The following AGBL2 variants were observed in gnomAD, a reference collection of about 807,000 sequenced individuals.
AGBL2 encodes cytosolic carboxypeptidase 2.
AGBL2 carries 87 observed loss-of-function variants against 103.0 expected under a neutral mutation model. That is an observed-to-expected ratio of 0.84 (90% CI 0.71 to 1.01). The LOEUF is 1.01. Among genes scored for constraint, AGBL2 ranks in the 50% least tolerant of loss-of-function variants. AGBL2 has a pLI of 0.00. For missense variants in AGBL2, 904 were observed against 1,023.5 expected (o/e 0.88, Z 1.59); for synonymous variants, 335 against 356.7 (o/e 0.94, Z 0.69).
intron 4 of AGBL2, among the ~76,000 whole-genome samples, chr11:47,709,933 A>G (rs1565098383): frequency 6.6e-6 from 1 of 151,582 alleles, no homozygotes; most frequent in Non-Finnish European, 1.5e-5. Flanking sequence ...TTTGTCACCC[A>G]GGCTGGAGTA....
At position 47,711,323 on chromosome 11, in the gene AGBL2, G is replaced by C. The variant is rs114841847; in HGVS notation, c.98-812C>G. Among the ~76,000 whole-genome samples, 632 of 152,154 alleles carry C rather than the reference G, an allele frequency of 4.2e-3. 1 individual carries two copies. Among genetic ancestry groups the C allele is most frequent in the African/African-American group, 0.015 (617 of 41,520 alleles). ...TAAAAATTGTCACGACACCCAGATA[G>C]ACTTTTCATCAATTCTGAGGGCAAC... On this transcript the variant is annotated intron_variant, in intron 3 of 18. Transcript: ENST00000525123.
At chr11:47,691,729 A>AAAAAAAAAAAAAAAAATATACATATAT in intron 9 of AGBL2, among the ~76,000 whole-genome samples, 1 of 4,850 alleles carries the variant, frequency 2.1e-4, no homozygotes, top group Non-Finnish European at 3.6e-4. Flanking sequence ...AAAAAAAAAA[A>AAAAAAAAAAAAAAAAATATACATATAT]ATATATATAT....
chr11:47,710,931 A>C (rs1172785355), intron 3 of AGBL2: 1 of 421,362 alleles, frequency 2.4e-6, no homozygotes, highest in East Asian at 7.0e-5. Context: ...AAAAGAAAAA[A>C]AAAATTATGG....
intron 16 of AGBL2, 140 bp downstream of exon 16, chr11:47,667,431 T>C: frequency 8.9e-7 from 1 of 1,118,240 alleles, no homozygotes; most frequent in Non-Finnish European, 1.3e-6. Context: ...GGAAGGGTTC[T>C]GATCGCAAAA....
intron 9 of AGBL2, among the ~76,000 whole-genome samples, chr11:47,691,729 A>AATATATATATATATATATATATATATAT (rs1554960982): frequency 4.1e-4 from 2 of 4,856 alleles, no homozygotes; most frequent in Admixed American, 4.2e-3. Flanking sequence ...AAAAAAAAAA[A>AATATATATATATATATATATATATATAT]ATATATATAT....
intron 14 of AGBL2, among the ~76,000 whole-genome samples, chr11:47,676,003 T>C (rs1287060427): frequency 1.3e-5 from 2 of 151,736 alleles, no homozygotes; most frequent in African/African-American, 4.8e-5. Context: ...ACACCCTGTC[T>C]CAAGAAAAAA....
rs1220594150 is a variant in AGBL2, at chr11:47,714,170, T to C, written c.97+114A>G. On this transcript the variant is annotated intron_variant, in intron 3 of 18. Coordinates refer to ENST00000525123, the MANE Select transcript of AGBL2 (RefSeq NM_024783.4). ...CACTAATGGTAGAGGAAAAAGTATTTATTTGTCAATGCAAATTATTTATTA... is the reference window on the plus strand; with the variant it reads ...CACTAATGGTAGAGGAAAAAGTATTCATTTGTCAATGCAAATTATTTATTA... 124 of 764,416 alleles carry C rather than the reference T, an allele frequency of 1.6e-4. 1 individual carries two copies. Among genetic ancestry groups the C allele is most frequent in the South Asian group, 1.1e-3 (66 of 61,436 alleles). The allele number at this position is 764,416 out of a possible 1,614,324, so 47.4% of individuals were successfully genotyped here. A position where few individuals can be genotyped will look rare whatever the true frequency, so the allele number is the denominator to read the frequency against.
chr11:47,660,251 C>T lies in AGBL2; in HGVS notation c.2631G>A (p.Arg877=), dbSNP rs1448495105. The change falls in exon 19 of 19, where the codon AGG becomes AGA. Residue 877 remains arginine (R), a synonymous_variant. Coordinates refer to ENST00000525123, the MANE Select transcript of AGBL2 (RefSeq NM_024783.4). The part of the protein sequence containing the change: ...PAPGMKPNWP[R]SRYPATKRGC... The stretch of plus-strand genomic sequence containing the variant: ...CTCTCTTTGTGGCAGGATATCTGCT[C>T]CTAGGCCAGTTTGGCTTCATACCTG... The T allele has an allele frequency of 6.2e-7, 1 of 1,614,218 alleles. No homozygotes were observed. The highest frequency in any genetic ancestry group is 8.5e-7 in the Non-Finnish European group (1 of 1,180,034).
intron 3 of AGBL2, among the ~76,000 whole-genome samples, chr11:47,711,540 G>A (rs1053899250): frequency 3.3e-5 from 5 of 152,100 alleles, no homozygotes; most frequent in Non-Finnish European, 7.3e-5. Context: ...CTCCCTGAAT[G>A]TCTCTCTCCC....
At chr11:47,708,818 A>C (rs1399608150) in intron 4 of AGBL2, among the ~76,000 whole-genome samples, 2 of 151,666 alleles carry the variant, frequency 1.3e-5, no homozygotes, top group Non-Finnish European at 2.9e-5. Flanking sequence ...GTCTCAAAAA[A>C]AAAAAAAAAA....
chr11:47,705,784 G>A, intron 5 of AGBL2, 80 bp downstream of exon 5: 1 of 1,250,228 alleles, frequency 8.0e-7, no homozygotes. Context: ...TAATTCTTAG[G>A]TCTGGTGGGA....
At chr11:47,711,935 T>C (rs1312152569) in intron 3 of AGBL2, among the ~76,000 whole-genome samples, 1 of 152,152 alleles carries the variant, frequency 6.6e-6, no homozygotes, top group Non-Finnish European at 1.5e-5. Context: ...TTAAATTAGC[T>C]GGGTGTGCTG....
intron 4 of AGBL2, among the ~76,000 whole-genome samples, chr11:47,706,591 G>C (rs2097520677): frequency 6.6e-6 from 1 of 152,094 alleles, no homozygotes; most frequent in African/African-American, 2.4e-5. Context: ...TGGGGTAAAG[G>C]CAGGAGAGGT....
At chr11:47,693,608 T>G (rs1358762721) in intron 8 of AGBL2, among the ~76,000 whole-genome samples, 2 of 152,214 alleles carry the variant, frequency 1.3e-5, no homozygotes, top group Middle Eastern at 6.3e-3. Flanking sequence ...GATTATACTG[T>G]TTTGATTACT....
intron 14 of AGBL2, 74 bp from the exon 15 acceptor site, chr11:47,668,981 C>T: frequency 9.9e-7 from 1 of 1,005,068 alleles, no homozygotes; most frequent in East Asian, 2.4e-5. Context: ...TTTACCAGAC[C>T]AGCTGTATGG....
intron 17 of AGBL2, chr11:47,666,510 T>G (rs1019657034): frequency 1.1e-4 from 35 of 327,240 alleles, no homozygotes; most frequent in Non-Finnish European, 1.1e-5. Context: ...TGATACAATT[T>G]CCTACTTACT....
chr11:47,702,823 G>A lies in AGBL2; in HGVS notation c.586+1720C>T, dbSNP rs147236611. ...CGGGAGGCGGAGGTTGCAGTGAGCC[G>A]AGATGGAGCCATTGCACTCTAGCCT... On this transcript the variant is annotated intron_variant, in intron 7 of 18. Transcript: ENST00000525123. 9.4e-4 allele frequency among the ~76,000 whole-genome samples: 143 copies of A among 152,050 alleles called. No individual in the cohort carries two copies. In the Middle Eastern group the frequency reaches 0.017, roughly 18 times the overall value.
chr11:47,677,046 C>A (rs1408969320), intron 14 of AGBL2, among the ~76,000 whole-genome samples: 1 of 152,000 alleles, frequency 6.6e-6, no homozygotes, highest in Non-Finnish European at 1.5e-5. Flanking sequence ...CTGAGCCTGT[C>A]GCCCATGCTG....
At chr11:47,705,786 C>T (rs1351109036) in intron 5 of AGBL2, 78 bp downstream of exon 5, 34 of 1,269,182 alleles carry the variant, frequency 2.7e-5, no homozygotes, top group Non-Finnish European at 9.2e-6. Context: ...ATTCTTAGGT[C>T]TGGTGGGAAC....
Sources: gnomAD v4.1 joint callset for allele counts (sites outside exome capture counted in the v4.1 genomes callset) on GRCh38, gnomAD v4.1.1 for gene constraint, MANE v1.5 for transcripts, NCBI Gene and HGNC (gene_info 2026-07-23, HGNC 2026-07-21) for gene names.